LRRK1: variants seen among roughly 807,000 people sequenced by gnomAD.
LRRK1 encodes the protein leucine rich repeat kinase 1, also known as leucine-rich repeat serine/threonine-protein kinase 1.
A neutral mutation model predicts 209.1 loss-of-function variants in LRRK1; 113 were observed. That is an observed-to-expected ratio of 0.54 (90% CI 0.46 to 0.63). LRRK1 has a LOEUF of 0.63. Among genes scored for constraint, LRRK1 ranks in the 30% least tolerant of loss-of-function variants. LRRK1 has a pLI of 0.00. For synonymous variants in LRRK1, 1,144 were observed against 1,099.7 expected (o/e 1.04, Z -0.80); for missense variants, 2,284 against 2,632.2 (o/e 0.87, Z 2.89).
intron 2 of LRRK1, among the ~76,000 whole-genome samples, chr15:100,957,678 T>A (rs192570730): frequency 9.2e-5 from 14 of 152,352 alleles, no homozygotes; most frequent in Admixed American, 7.8e-4. Flanking sequence ...TCCATCTATG[T>A]GTATGTTTAA....
chr15:100,978,325 A>G (rs1299929189), intron 3 of LRRK1, among the ~76,000 whole-genome samples: 1 of 152,232 alleles, frequency 6.6e-6, no homozygotes, highest in African/African-American at 2.4e-5. Flanking sequence ...AGACTGAAGG[A>G]GAACTCAAAG....
At chr15:101,009,309 T>G (rs1477672096) in intron 7 of LRRK1, among the ~76,000 whole-genome samples, 1 of 152,254 alleles carries the variant, frequency 6.6e-6, no homozygotes, top group Non-Finnish European at 1.5e-5. Flanking sequence ...TTGCCTGAGA[T>G]GCTTGTCTTG....
At chr15:101,014,466 C>A in intron 11 of LRRK1, 38 bp downstream of exon 11, 1 of 1,400,962 alleles carries the variant, frequency 7.1e-7, no homozygotes, top group South Asian at 1.2e-5. Context: ...AGTTCCAAAG[C>A]GTGTGTGGGG....
intron 2 of LRRK1, among the ~76,000 whole-genome samples, chr15:100,935,944 A>G (rs1596164776): frequency 6.6e-6 from 1 of 152,260 alleles, no homozygotes; most frequent in East Asian, 1.9e-4. Flanking sequence ...GAATTCTTGG[A>G]GTTTAGCAGC....
intron 26 of LRRK1, among the ~76,000 whole-genome samples, chr15:101,053,876 A>G (rs1472425979): frequency 6.6e-6 from 1 of 152,248 alleles, no homozygotes; most frequent in Non-Finnish European, 1.5e-5. Flanking sequence ...GCTAAACTCC[A>G]GAGTGGCCAG....
chr15:101,025,923 A>G (rs2034006451), intron 16 of LRRK1, 42 bp from the exon 17 acceptor site: 2 of 1,608,490 alleles, frequency 1.2e-6, no homozygotes, highest in East Asian at 2.2e-5. Flanking sequence ...CCCTTGTTCC[A>G]TGAACAGAGA....
chr15:100,972,363 A>T (rs28361290), intron 2 of LRRK1, among the ~76,000 whole-genome samples: 1,258 of 98,452 alleles, frequency 0.013, 22 homozygotes, highest in African/African-American at 0.028. Context: ...AGAGAGAGAG[A>T]GTGTGTGTGT....
In LRRK1 at chr15:100,954,136, G is replaced by A. The variant is rs765422311; in HGVS notation, c.98-19668G>A. Among the ~76,000 whole-genome samples the A allele has an allele frequency of 4.6e-5, 7 of 152,038 alleles. No individual in the cohort carries two copies. In the South Asian group the frequency reaches 6.2e-4, roughly 14 times the overall value. ...TCATCATATTGGCCAGGCTGGTCTC[G>A]AACTCCTGACCTCGTGATCTGCCCG... On this transcript the variant is annotated intron_variant, in intron 2 of 33. Transcript: ENST00000388948.
rs543792693 is a variant in LRRK1 at position 101,022,962 on chromosome 15, G to A, written c.2067+365G>A. On this transcript the variant is annotated intron_variant, in intron 15 of 33. Coordinates refer to ENST00000388948, the MANE Select transcript of LRRK1 (RefSeq NM_024652.6). The surrounding 1 kb of genome is among the most constrained non-coding windows in gnomAD (Gnocchi z 4.0). ...GGGACAGTGGTTCTTAACCCCGGCT[G>A]TCTGTTAGATTCCCTTGAGGGGCTT... Among the ~76,000 whole-genome samples the A allele has an allele frequency of 3.9e-5, 6 of 152,166 alleles. No individual in the cohort carries two copies. The East Asian group carries it at 9.6e-4, about 24-fold the overall frequency.
intron 2 of LRRK1, among the ~76,000 whole-genome samples, chr15:100,932,323 G>T (rs979699734): frequency 6.6e-6 from 1 of 152,112 alleles, no homozygotes; most frequent in African/African-American, 2.4e-5. Flanking sequence ...CAAAGCACAT[G>T]TATGGTTATC....
At position 101,022,077 on chromosome 15, in the gene LRRK1, G is replaced by T; in HGVS notation, c.1852+120G>T. On this transcript the variant is annotated intron_variant, in intron 14 of 33. Coordinates refer to ENST00000388948, the MANE Select transcript of LRRK1 (RefSeq NM_024652.6). The surrounding 1 kb of genome is among the most constrained non-coding windows in gnomAD (Gnocchi z 4.0). ...CCATGGAGCCCAGCTCCAGGTTCCA[G>T]ATTTGACAAGATGCTATAAAATTGT... is the stretch of plus-strand genomic sequence containing the variant. 1.4e-6 allele frequency: 1 copy of T among 692,848 alleles called. No homozygotes were observed. Among genetic ancestry groups the T allele is most frequent in the Non-Finnish European group, 2.4e-6 (1 of 412,254 alleles). The allele number at this position is 692,848 out of a possible 1,614,324, so 42.9% of individuals were successfully genotyped here.
chr15:100,974,050 G>A lies in LRRK1; in HGVS notation c.261+83G>A, dbSNP rs1170826517. 57 of 1,126,904 alleles carry A rather than the reference G, an allele frequency of 5.1e-5. No individual in the cohort carries two copies. In the East Asian group the frequency reaches 1.8e-3, roughly 36 times the overall value. The allele number at this position is 1,126,904 out of a possible 1,614,324, so 69.8% of individuals were successfully genotyped here. A position where few individuals can be genotyped will look rare whatever the true frequency, so the allele number is the denominator to read the frequency against. ...CCGCTCAGATGATTTTCTCGTTATT[G>A]TCATAACGGTAATGGGCGTTTTTAC... On this transcript the variant is annotated intron_variant, in intron 3 of 33. Coordinates refer to ENST00000388948, the MANE Select transcript of LRRK1 (RefSeq NM_024652.6).
chr15:100,987,703 C>T (rs2031946977), intron 4 of LRRK1, among the ~76,000 whole-genome samples: 1 of 152,168 alleles, frequency 6.6e-6, no homozygotes, highest in South Asian at 2.1e-4. Context: ...GTAGTCCTCA[C>T]ATTAAACTTG....
At position 101,048,491 on chromosome 15, in the gene LRRK1, C is replaced by T; in HGVS notation, c.3136-3C>T. On this transcript the variant is annotated splice_polypyrimidine_tract_variant and splice_region_variant and intron_variant, in intron 21 of 33. Coordinates refer to ENST00000388948, the MANE Select transcript of LRRK1 (RefSeq NM_024652.6). The stretch of plus-strand genomic sequence containing the variant: ...TAAGCAGGGTCTTTTCTCTGTCTTT[C>T]AGCTTTTTGAAAACAAGAAGAATAC... 1 of 1,602,294 alleles carries T rather than the reference C, an allele frequency of 6.2e-7. No homozygotes were observed. Among genetic ancestry groups the T allele is most frequent in the Non-Finnish European group, 8.5e-7 (1 of 1,176,328 alleles).
Position 101,011,119 on chromosome 15 carries a change from C to T in LRRK1, c.1281+282C>T, listed in dbSNP as rs527397018. 5.9e-5 allele frequency among the ~76,000 whole-genome samples: 9 copies of T among 152,090 alleles called. No homozygotes were observed. In the South Asian group the frequency reaches 6.2e-4, roughly 11 times the overall value. On this transcript the variant is annotated intron_variant, in intron 9 of 33. Transcript: ENST00000388948. ...GGACAGCTTTCACCCTGGCACAGGA[C>T]GACTCATGCCTGAAAAAAGGAGGGT...
chr15:100,968,692 T>C (rs1371467220), intron 2 of LRRK1, among the ~76,000 whole-genome samples: 3 of 77,012 alleles, frequency 3.9e-5, no homozygotes, highest in Non-Finnish European at 7.5e-5. Context: ...CTTTCTTTCT[T>C]TCCTTCCTTC....
intron 2 of LRRK1, among the ~76,000 whole-genome samples, chr15:100,929,202 A>G (rs2042165929): frequency 6.6e-6 from 1 of 152,146 alleles, no homozygotes; most frequent in Non-Finnish European, 1.5e-5. Flanking sequence ...TCAGGTGGAG[A>G]ATACTTGGGA....
At chr15:101,038,087 G>A (rs1333176174) in intron 20 of LRRK1, among the ~76,000 whole-genome samples, 1 of 152,154 alleles carries the variant, frequency 6.6e-6, no homozygotes, top group African/African-American at 2.4e-5. Flanking sequence ...GGATGAATTG[G>A]AGACCATTAT....
At chr15:100,933,795 C>G (rs2042248777) in intron 2 of LRRK1, among the ~76,000 whole-genome samples, 1 of 130,824 alleles carries the variant, frequency 7.6e-6, no homozygotes, top group Non-Finnish European at 1.5e-5. Flanking sequence ...CCACTCCAGC[C>G]TGGGCCACAG....
Sources: allele counts gnomAD v4.1 joint callset (sites outside exome capture counted in the v4.1 genomes callset), GRCh38; gene constraint gnomAD v4.1.1; non-coding constraint Gnocchi (gnomAD v3.1); transcripts MANE v1.5; gene names NCBI Gene and HGNC (gene_info 2026-07-23, HGNC 2026-07-21).